GARIN1A: variants seen among roughly 807,000 people sequenced by gnomAD.
GARIN1A encodes the protein golgi associated RAB2 interactor 1A.
the GARIN1A span, among the ~76,000 whole-genome samples, chr7:128,689,525 C>T: frequency 2.0e-5 from 3 of 151,332 alleles, no homozygotes; most frequent in South Asian, 4.2e-4. Context: ...GGCAGCCGCC[C>T]CGTCTGAGAA....
the GARIN1A span, chr7:128,672,568 A>AC: frequency 1.4e-6 from 2 of 1,435,952 alleles, no homozygotes; most frequent in Non-Finnish European, 1.9e-6. Context: ...CGTGGAGCTC[A>AC]GGGCCAGCTG....
chr7:128,683,153 A>G, the GARIN1A span: 3 of 1,606,630 alleles, frequency 1.9e-6, no homozygotes, highest in Admixed American at 1.7e-5. Flanking sequence ...ACTTCTTGGG[A>G]GCCTGACACC....
At chr7:128,681,729 C>A in the GARIN1A span, among the ~76,000 whole-genome samples, 1 of 151,936 alleles carries the variant, frequency 6.6e-6, no homozygotes, top group Admixed American at 6.6e-5. Flanking sequence ...TCTCAAACTC[C>A]TCAGCCCAAG....
At chr7:128,705,567 TC>T in the GARIN1A span, among the ~76,000 whole-genome samples, 2 of 151,726 alleles carry the variant, frequency 1.3e-5, no homozygotes, top group South Asian at 4.2e-4. Context: ...TCATCAAACT[TC>T]CTCTACTCAC....
chr7:128,679,989 C>CT, the GARIN1A span: 2 of 1,295,626 alleles, frequency 1.5e-6, no homozygotes, highest in South Asian at 2.9e-5. Flanking sequence ...CAAGAACTCT[C>CT]TGAGCAGACC....
the GARIN1A span, among the ~76,000 whole-genome samples, chr7:128,679,380 A>T: frequency 6.6e-6 from 1 of 152,024 alleles, no homozygotes; most frequent in East Asian, 1.9e-4. Context: ...TTCAGTAGAG[A>T]CGGGGTTTCA....
At chr7:128,682,934 A>G in the GARIN1A span, 2 of 1,516,906 alleles carry the variant, frequency 1.3e-6, no homozygotes, top group Non-Finnish European at 1.8e-6. Context: ...ATTGCTTTCA[A>G]TAACCCCAAA....
At chr7:128,697,075 T>C in the GARIN1A span, among the ~76,000 whole-genome samples, 1 of 152,194 alleles carries the variant, frequency 6.6e-6, no homozygotes, top group Non-Finnish European at 1.5e-5. Context: ...TGGAAAATCA[T>C]TACAAAGTTG....
chr7:128,672,436 A>G, the GARIN1A span: 6 of 1,609,034 alleles, frequency 3.7e-6, no homozygotes, highest in Non-Finnish European at 5.1e-6. Flanking sequence ...AGGTCAGGGA[A>G]CCAGGCCCTG....
the GARIN1A span, chr7:128,683,234 G>T: frequency 8.5e-7 from 1 of 1,170,886 alleles, no homozygotes; most frequent in African/African-American, 1.6e-5. Flanking sequence ...TTTCCACTGT[G>T]AGCCAAGTGA....
At chr7:128,690,614 C>T in the GARIN1A span, 1 of 152,160 alleles carries the variant, frequency 6.6e-6, no homozygotes, top group Admixed American at 6.5e-5. Flanking sequence ...TTCATACATG[C>T]AATTAAAAAT....
the GARIN1A span, chr7:128,687,247 T>TG: frequency 3.3e-5 from 5 of 152,390 alleles, no homozygotes; most frequent in African/African-American, 1.2e-4. Flanking sequence ...TTTACATGTC[T>TG]GTCTCCTTGG....
chr7:128,673,612 C>T, the GARIN1A span, among the ~76,000 whole-genome samples: 4 of 152,274 alleles, frequency 2.6e-5, no homozygotes, highest in East Asian at 1.9e-4. Flanking sequence ...AAGGTGGGAA[C>T]AGTTTGAGGT....
chr7:128,694,077 G>A, the GARIN1A span, among the ~76,000 whole-genome samples: 1 of 152,218 alleles, frequency 6.6e-6, no homozygotes, highest in Non-Finnish European at 1.5e-5. Context: ...AGCCAAGGAG[G>A]GGAGAGGGCG....
chr7:128,697,378 G>A, the GARIN1A span: 1 of 152,342 alleles, frequency 6.6e-6, no homozygotes, highest in Non-Finnish European at 1.5e-5. Flanking sequence ...GGCCATGTAA[G>A]CAGAGCGGAC....
At chr7:128,681,996 G>T in the GARIN1A span, among the ~76,000 whole-genome samples, 1 of 151,416 alleles carries the variant, frequency 6.6e-6, no homozygotes. Flanking sequence ...CCAGGCTGGT[G>T]TACACTTGCT....
the GARIN1A span, among the ~76,000 whole-genome samples, chr7:128,706,350 G>A: frequency 1.4e-4 from 21 of 152,034 alleles, no homozygotes; most frequent in African/African-American, 5.1e-4. Flanking sequence ...CATACTTAGC[G>A]TGCTTCTTCC....
At chr7:128,672,647 G>A in the GARIN1A span, 2 of 841,488 alleles carry the variant, frequency 2.4e-6, no homozygotes, top group East Asian at 3.0e-5. Flanking sequence ...AAGCCCTGGG[G>A]GAGGGGGGGG....
the GARIN1A span, among the ~76,000 whole-genome samples, chr7:128,674,354 G>T: frequency 7.9e-5 from 12 of 152,086 alleles, no homozygotes; most frequent in African/African-American, 2.7e-4. Flanking sequence ...TGAACTCCTG[G>T]CTTCAAGTGA....
Sources: gnomAD v4.1 joint callset for allele counts (sites outside exome capture counted in the v4.1 genomes callset) on GRCh38, gnomAD v4.1.1 for gene constraint, MANE v1.5 for transcripts, NCBI Gene and HGNC (gene_info 2026-07-23, HGNC 2026-07-21) for gene names.